Variants in ZNF778 observed in about 807,000 individuals in gnomAD.
The protein encoded by ZNF778 is zinc finger protein 778.
In ZNF778, 37 loss-of-function variants were observed where a neutral mutation model predicts 23.9. That is an observed-to-expected ratio of 1.54 (90% CI 1.19 to 2.03). ZNF778 has a LOEUF of 2.03. Ranked by LOEUF, ZNF778 falls within the 30% of genes most tolerant of loss-of-function variation. ZNF778 has a pLI of 0.00. For missense variants in ZNF778, 1,297 were observed against 934.4 expected (o/e 1.39, Z -5.06); for synonymous variants, 483 against 343.9 (o/e 1.40, Z -4.48).
In ZNF778 at chr16:89,228,919, C is replaced by A; in HGVS notation, c.*357C>A. ...TGTTGGGAAGTCATTTTTTACATTACATCTTTCCTCACCCTTTAGTAAACG... is the reference window on the plus strand; with the variant it reads ...TGTTGGGAAGTCATTTTTTACATTAAATCTTTCCTCACCCTTTAGTAAACG... On this transcript the variant is annotated 3_prime_UTR_variant, in exon 7 of 7. Transcript: ENST00000433976. The A allele has an allele frequency of 9.9e-7, 1 of 1,011,818 alleles. No homozygotes were observed. Among genetic ancestry groups the A allele is most frequent in the African/African-American group, 1.7e-5 (1 of 58,152 alleles). The allele number at this position is 1,011,818 out of a possible 1,614,324, so 62.7% of individuals were successfully genotyped here.
rs1276383505 is a variant in ZNF778 at position 89,231,675 on chromosome 16, C to G, written c.*3113C>G. 1.3e-5 allele frequency: 2 copies of G among 152,174 alleles called. No individual in the cohort carries two copies. Among genetic ancestry groups the G allele is most frequent in the African/African-American group, 2.4e-5 (1 of 41,420 alleles). The allele number at this position is 152,174 out of a possible 1,614,324, so 9.4% of individuals were successfully genotyped here. On this transcript the variant is annotated 3_prime_UTR_variant, in exon 7 of 7. Transcript: ENST00000433976. The stretch of plus-strand genomic sequence containing the variant: ...AAACCCACAGCCCTGCACCCCTTGC[C>G]TGTAGGAAAATCTGGTAGGAGTTAG...
rs138167132 is a variant in ZNF778, at chr16:89,224,827, C to T, written c.328+25C>T. ...GGTAAGTGTGAAGAGCACGCCTGGTCGATGTCAAGTTTAGCAGCTGTGGGA... is the reference window on the plus strand; with the variant it reads ...GGTAAGTGTGAAGAGCACGCCTGGTTGATGTCAAGTTTAGCAGCTGTGGGA... On this transcript the variant is annotated intron_variant, in intron 5 of 6. Coordinates refer to ENST00000433976, the MANE Select transcript of ZNF778 (RefSeq NM_001201407.2). 221 of 1,467,428 alleles carry T rather than the reference C, an allele frequency of 1.5e-4. No homozygotes were observed. The African/African-American group carries it at 2.7e-3, about 18-fold the overall frequency. The allele number at this position is 1,467,428 out of a possible 1,614,324, so 90.9% of individuals were successfully genotyped here.
chr16:89,219,562 C>A (rs1263712434), intron 1 of ZNF778, among the ~76,000 whole-genome samples: 1 of 152,168 alleles, frequency 6.6e-6, no homozygotes, highest in Non-Finnish European at 1.5e-5. Flanking sequence ...GCATAGATGA[C>A]CGTTTAGAGG....
At chr16:89,225,112 T>G (rs1385593178) in intron 5 of ZNF778, among the ~76,000 whole-genome samples, 1 of 818 alleles carries the variant, frequency 1.2e-3, no homozygotes, top group African/African-American at 1.9e-3. Context: ...AGTTTGTGGG[T>G]TTTTTTTTTT....
In ZNF778 at chr16:89,221,069, C is replaced by T. The variant is rs1027582085; in HGVS notation, c.-59C>T. On this transcript the variant is annotated 5_prime_UTR_variant, in exon 2 of 7. Transcript: ENST00000433976. ...CCTTCCACATAGATTCACAAGCTGCCCTGCAGTGGCCTTGGCTTCAGGAAA... is the reference window on the plus strand; with the variant it reads ...CCTTCCACATAGATTCACAAGCTGCTCTGCAGTGGCCTTGGCTTCAGGAAA... 7.1e-6 allele frequency: 11 copies of T among 1,549,928 alleles called. No individual in the cohort carries two copies. Among genetic ancestry groups the T allele is most frequent in the Non-Finnish European group, 9.6e-6 (11 of 1,145,126 alleles).
rs140740280 is a variant in ZNF778, at chr16:89,221,171, C to G, written c.25+19C>G. On this transcript the variant is annotated intron_variant, in intron 2 of 6. Coordinates refer to ENST00000433976, the MANE Select transcript of ZNF778 (RefSeq NM_001201407.2). ...GCCCACGGTAAGTCCTGGTGGGGCTCCTTCTCAGAGCCTCTGCTCTAGGTC... is the reference window on the plus strand; with the variant it reads ...GCCCACGGTAAGTCCTGGTGGGGCTGCTTCTCAGAGCCTCTGCTCTAGGTC... 4 of 1,552,900 alleles carry G rather than the reference C, an allele frequency of 2.6e-6. No individual in the cohort carries two copies. In the African/African-American group the frequency reaches 4.1e-5, roughly 16 times the overall value.
In ZNF778 at chr16:89,224,545, G is replaced by A. The variant is rs1364589449; in HGVS notation, c.245-174G>A. 7.8e-6 allele frequency: 4 copies of A among 515,968 alleles called. No individual in the cohort carries two copies. The East Asian group carries it at 1.3e-4, about 17-fold the overall frequency. 32.0% of individuals were successfully genotyped at this position (515,968 alleles called of 1,614,324 possible). On this transcript the variant is annotated intron_variant, in intron 4 of 6. Coordinates refer to ENST00000433976, the MANE Select transcript of ZNF778 (RefSeq NM_001201407.2). ...GAGGCAAGAGAATCACTTGAACCCA[G>A]GAGGCAGACGTTGCAGTGAGCCGAG...
In ZNF778 at chr16:89,228,566, A is replaced by C; in HGVS notation, c.*4A>C. 6.4e-7 allele frequency: 1 copy of C among 1,563,648 alleles called. No individual in the cohort carries two copies. Among genetic ancestry groups the C allele is most frequent in the Non-Finnish European group, 8.6e-7 (1 of 1,159,678 alleles). On this transcript the variant is annotated 3_prime_UTR_variant, in exon 7 of 7. Coordinates refer to ENST00000433976, the MANE Select transcript of ZNF778 (RefSeq NM_001201407.2). ...CACTGATGAGAAACCTTTCTAATGT[A>C]AAGAATGTGGGGAAGCTGTCAGCTA...
rs1409717652 is a variant in ZNF778, at chr16:89,233,043, T to C, written c.*4481T>C. 2 of 1,269,434 alleles carry C rather than the reference T, an allele frequency of 1.6e-6. No individual in the cohort carries two copies. Among genetic ancestry groups the C allele is most frequent in the Admixed American group, 2.4e-5 (1 of 41,830 alleles). 78.6% of individuals were successfully genotyped at this position (1,269,434 alleles called of 1,614,324 possible). ...ACTCAAGTCGCACTGCGTATGCAAC[T>C]CAGCTCGCTCTGCGTATGCAACTCA... On this transcript the variant is annotated 3_prime_UTR_variant, in exon 7 of 7. Transcript: ENST00000433976.
intron 6 of ZNF778, 106 bp from the exon 7 acceptor site, chr16:89,226,588 A>C: frequency 1.9e-6 from 2 of 1,048,692 alleles, no homozygotes; most frequent in African/African-American, 1.6e-5. Context: ...ATGTTATGAA[A>C]ATGGCAAAAA....
rs752301749 is a variant in ZNF778, at chr16:89,228,154, C to T, written c.1866C>T (p.Cys622=). 5.1e-5 allele frequency: 83 copies of T among 1,613,262 alleles called. 1 individual carries two copies. In the Admixed American group the frequency reaches 7.2e-4, roughly 14 times the overall value. The change falls in exon 7 of 7, where the codon TGC becomes TGT. Residue 622 remains cysteine, a synonymous_variant. Coordinates refer to ENST00000433976, the MANE Select transcript of ZNF778 (RefSeq NM_001201407.2). ...TGEKPYECKV[C]GKAFTTSSHL... Reference sequence around the variant, plus strand: ...AGAAACCTTATGAATGTAAAGTATGCGGAAAGGCCTTCACCACATCCTCAC... The same window carrying T: ...AGAAACCTTATGAATGTAAAGTATGTGGAAAGGCCTTCACCACATCCTCAC...
chr16:89,225,157 C>T (rs1463559386), intron 5 of ZNF778, among the ~76,000 whole-genome samples: 3 of 125,270 alleles, frequency 2.4e-5, no homozygotes, highest in Admixed American at 9.9e-5. Flanking sequence ...GCTCTGTTGC[C>T]CAGGCTGGAG....
chr16:89,221,257 C>A, intron 2 of ZNF778, 105 bp downstream of exon 2: 1 of 1,318,864 alleles, frequency 7.6e-7, no homozygotes, highest in Non-Finnish European at 1.0e-6. Context: ...GCTCCGGGTT[C>A]CTATTGCAGC....
chr16:89,231,005 G>C lies in ZNF778; in HGVS notation c.*2443G>C. ...TGTCACATGTTTGAAATCCTGGATG[G>C]ACAGACCTGTGCACCTTCATGTCAC... On this transcript the variant is annotated 3_prime_UTR_variant, in exon 7 of 7. Transcript: ENST00000433976. 8.1e-6 allele frequency: 1 copy of C among 123,026 alleles called. No homozygotes were observed. The highest frequency in any genetic ancestry group is 1.7e-5 in the Non-Finnish European group (1 of 60,034). The allele number at this position is 123,026 out of a possible 1,614,324, so 7.6% of individuals were successfully genotyped here.
rs2031404990 is a variant in ZNF778, at chr16:89,225,579, C to T, written c.353C>T (p.Pro118Leu). ...LQEWRLKTKG[P>L]ALRQDRSWFR... ...GAATGGCGACTTAAAACCAAAGGGC[C>T]AGCACTTCGGCAGGATAGATCTTGG... Residue 118 changes from proline (P) to leucine (L), a missense_variant, in exon 6 of 7, where the codon CCA (proline) becomes CTA (leucine). Coordinates refer to ENST00000433976, the MANE Select transcript of ZNF778 (RefSeq NM_001201407.2). The T allele has an allele frequency of 1.2e-6, 2 of 1,612,224 alleles. No individual in the cohort carries two copies. The highest frequency in any genetic ancestry group is 1.7e-5 in the Admixed American group (1 of 59,898).
At chr16:89,223,426 G>C in intron 4 of ZNF778, 143 bp downstream of exon 4, 1 of 1,190,806 alleles carries the variant, frequency 8.4e-7, no homozygotes, top group African/African-American at 1.5e-5. Context: ...TGGTGCTAGT[G>C]TGGTCGTTTC....
Position 89,227,614 on chromosome 16 carries a change from A to G in ZNF778, c.1326A>G (p.Thr442=). 6.2e-7 allele frequency: 1 copy of G among 1,614,120 alleles called. No homozygotes were observed. The highest frequency in any genetic ancestry group is 2.2e-5 in the East Asian group (1 of 44,884). The change falls in exon 7 of 7, where the codon ACA becomes ACG. Residue 442 remains threonine (T), a synonymous_variant. Transcript: ENST00000433976. ...GTGGCCTTACTAGACACGTACGAAC[A>G]CACACGGGCGAGAAGCCATACACGT... ...VRCGLTRHVR[T]HTGEKPYTCK...
intron 2 of ZNF778, 40 bp from the exon 3 acceptor site, chr16:89,222,052 C>T (rs751473913): frequency 1.4e-6 from 2 of 1,477,602 alleles, no homozygotes; most frequent in African/African-American, 2.8e-5. Flanking sequence ...TTAGGGTCAG[C>T]TCTGGGTTCT....
rs774877531 is a variant in ZNF778, at chr16:89,225,640, A to T, written c.405+9A>T. 8 of 1,608,622 alleles carry T rather than the reference A, an allele frequency of 5.0e-6. No homozygotes were observed. The highest frequency in any genetic ancestry group is 6.8e-6 in the Non-Finnish European group (8 of 1,176,428). ...CAAATGAGACACAGACGGTAAGATT[A>T]ACAAGAGAGATTTTTTTATTTATCA... is the stretch of plus-strand genomic sequence containing the variant. On this transcript the variant is annotated intron_variant, in intron 6 of 6. Coordinates refer to ENST00000433976, the MANE Select transcript of ZNF778 (RefSeq NM_001201407.2).
Sources: allele counts gnomAD v4.1 joint callset (sites outside exome capture counted in the v4.1 genomes callset), GRCh38; gene constraint gnomAD v4.1.1; transcripts MANE v1.5; gene names NCBI Gene and HGNC (gene_info 2026-07-23, HGNC 2026-07-21).